The following VRK3 variants were observed in gnomAD, a reference collection of about 807,000 sequenced individuals.
The protein encoded by VRK3 is VRK serine/threonine kinase 3.
Under a neutral mutation model 60.4 loss-of-function variants are expected in VRK3, and 50 were observed. That is an observed-to-expected ratio of 0.83 (90% CI 0.66 to 1.05). The LOEUF is 1.05. Among genes scored for constraint, VRK3 ranks in the 50% least tolerant of loss-of-function variants. The pLI, the probability that VRK3 is intolerant of heterozygous loss-of-function variation, is 0.00. For synonymous variants in VRK3, 246 were observed against 227.8 expected, an observed-to-expected ratio of 1.08 and a Z score of -0.72; for missense variants, 549 against 585.3, an observed-to-expected ratio of 0.94 and a Z score of 0.64.
At chr19:50,003,658 C>T (rs530878903) in intron 5 of VRK3, among the ~76,000 whole-genome samples, 1 of 152,324 alleles carries the variant, frequency 6.6e-6, no homozygotes, top group African/African-American at 2.4e-5. Flanking sequence ...ATAACCATAA[C>T]GATTCAGCTT....
At chr19:50,009,173 GATC>G (rs1555851211) in intron 4 of VRK3, 60 bp downstream of exon 4, 3 of 1,556,912 alleles carry the variant, frequency 1.9e-6, no homozygotes, top group Non-Finnish European at 2.6e-6. Flanking sequence ...TTGTCCCAAA[GATC>G]ATCAGATGAC....
In VRK3 at chr19:50,009,241, G is replaced by T; in HGVS notation, c.284C>A (p.Ser95Tyr). The T allele has an allele frequency of 6.2e-7, 1 of 1,613,922 alleles. No individual in the cohort carries two copies. Among genetic ancestry groups the T allele is most frequent in the South Asian group, 1.1e-5 (1 of 91,052 alleles). Residue 95 changes from serine to tyrosine, a missense_variant, in exon 4 of 15, where the codon TCC becomes TAC. Transcript: ENST00000316763. ...AGATAGACCTTAACTCTTACCTTTG[G>T]ATCTCTCAGAGGAACTCAGAGTATC... ...SEDTLSSSER[S>Y]KGSGSRPPTP...
Position 50,007,811 on chromosome 19 carries a change from G to A in VRK3, c.305C>T (p.Pro102Leu). The part of the protein sequence containing the change: ...SERSKGSGSR[P>L]PTPKSSPQKT... ...CTGAGGGCTGCTTTTGGGGGTTGGG[G>A]GTCTGCTCCCGGAGCCTGCAGGAGG... is the stretch of plus-strand genomic sequence containing the variant. The change falls in exon 5 of 15, where the codon CCC (proline) becomes CTC (leucine). Residue 102 changes from proline to leucine, a missense_variant. By Grantham distance (98) the Pro-to-Leu change is moderately conservative. Transcript: ENST00000316763. 1 of 1,614,150 alleles carries A rather than the reference G, an allele frequency of 6.2e-7. No individual in the cohort carries two copies. Among genetic ancestry groups the A allele is most frequent in the Non-Finnish European group, 8.5e-7 (1 of 1,180,042 alleles).
chr19:50,004,952 T>C (rs1205835462), intron 5 of VRK3, among the ~76,000 whole-genome samples: 2 of 138,868 alleles, frequency 1.4e-5, no homozygotes, highest in Non-Finnish European at 2.9e-5. Flanking sequence ...TCCCTAGGTG[T>C]TAGCCACGGC....
intron 10 of VRK3, among the ~76,000 whole-genome samples, chr19:49,990,829 G>A (rs770715428): frequency 2.0e-5 from 3 of 151,834 alleles, no homozygotes; most frequent in Non-Finnish European, 2.9e-5. Flanking sequence ...GGGTCACGCA[G>A]GTTGGAGTGC....
At chr19:49,987,855 AC>A in intron 12 of VRK3, 1 of 152,484 alleles carries the variant, frequency 6.6e-6, no homozygotes, top group Middle Eastern at 3.4e-3. Context: ...GGCGCCCGCC[AC>A]CATGCCTGGC....
intron 2 of VRK3, among the ~76,000 whole-genome samples, chr19:50,016,886 G>A (rs2077087135): frequency 7.4e-6 from 1 of 135,690 alleles, no homozygotes; most frequent in Admixed American, 6.9e-5. Context: ...TATTTGTAAC[G>A]AGCATCTAAC....
chr19:50,007,541 T>C (rs2076916971), intron 5 of VRK3, 28 bp downstream of exon 5: 2 of 1,610,728 alleles, frequency 1.2e-6, no homozygotes, highest in Non-Finnish European at 8.5e-7. Flanking sequence ...GACGACCCAG[T>C]CCCTGGCCGC....
chr19:50,014,468 A>C (rs974365286), intron 3 of VRK3, among the ~76,000 whole-genome samples: 1 of 152,104 alleles, frequency 6.6e-6, no homozygotes, highest in Non-Finnish European at 1.5e-5. Context: ...CTGAGGCAGG[A>C]GAATTGCTTG....
At chr19:49,985,825 G>A (rs1245583681) in intron 12 of VRK3, among the ~76,000 whole-genome samples, 1 of 152,202 alleles carries the variant, frequency 6.6e-6, no homozygotes, top group Non-Finnish European at 1.5e-5. Flanking sequence ...CACCTCATAA[G>A]CCTCCTCCAC....
chr19:49,982,254 C>T, intron 12 of VRK3: 1 of 701,976 alleles, frequency 1.4e-6, no homozygotes, highest in Non-Finnish European at 2.6e-6. Flanking sequence ...CTGAACAAAG[C>T]TGATAAAACA....
rs901704267 is a variant in VRK3, at chr19:49,993,080, C to A, written c.871-128G>T. Reference sequence around the variant, plus strand: ...TCCGACACTGTGACTGGGGGTTAAACCTGACTAAATCCGGGGTAGCATGAG... The same window carrying A: ...TCCGACACTGTGACTGGGGGTTAAAACTGACTAAATCCGGGGTAGCATGAG... On this transcript the variant is annotated intron_variant, in intron 9 of 14. Transcript: ENST00000316763. 41 of 773,316 alleles carry A rather than the reference C, an allele frequency of 5.3e-5. No individual in the cohort carries two copies. The South Asian group carries it at 7.1e-4, about 13-fold the overall frequency. The allele number at this position is 773,316 out of a possible 1,614,324, so 47.9% of individuals were successfully genotyped here.
At chr19:49,982,284 C>T in intron 12 of VRK3, 1 of 697,420 alleles carries the variant, frequency 1.4e-6, no homozygotes, top group East Asian at 2.7e-5. Flanking sequence ...TTAACCATCT[C>T]AGGCTTTGGG....
At chr19:49,979,278 GA>G (rs772001102) in intron 13 of VRK3, 36 bp from the exon 14 acceptor site, 24 of 1,613,754 alleles carry the variant, frequency 1.5e-5, no homozygotes, top group Non-Finnish European at 2.0e-5. Flanking sequence ...GGGAGAGCCT[GA>G]GAGGCATCCC....
intron 9 of VRK3, among the ~76,000 whole-genome samples, chr19:49,993,205 T>C (rs1417417634): frequency 6.6e-6 from 1 of 152,200 alleles, no homozygotes; most frequent in African/African-American, 2.4e-5. Flanking sequence ...CCTGTATTTC[T>C]CTCTTAGCTG....
At chr19:49,978,984 G>A in intron 14 of VRK3, 99 bp downstream of exon 14, 1 of 1,309,580 alleles carries the variant, frequency 7.6e-7, no homozygotes, top group South Asian at 1.5e-5. Context: ...GCCCTGGTAT[G>A]AACGTGGAAC....
chr19:49,995,072 A>G (rs2076678191), intron 8 of VRK3, 119 bp downstream of exon 8: 1 of 1,296,152 alleles, frequency 7.7e-7, no homozygotes, highest in East Asian at 2.4e-5. Flanking sequence ...GGTCAAAACT[A>G]CGAGAAGGCA....
Position 49,992,348 on chromosome 19 carries a change from G to A in VRK3, c.963+512C>T, listed in dbSNP as rs2076626326. 3.3e-5 allele frequency among the ~76,000 whole-genome samples: 5 copies of A among 152,344 alleles called. No individual in the cohort carries two copies. In the South Asian group the frequency reaches 1.0e-3, roughly 32 times the overall value. On this transcript the variant is annotated intron_variant, in intron 10 of 14. Coordinates refer to ENST00000316763, the MANE Select transcript of VRK3 (RefSeq NM_016440.4). ...GAACCCAGGAGGTGGAGGTTGTGAT[G>A]AGCCGAGATCGTGCCATTGCACTCC...
chr19:50,018,587 G>A (rs2077113163), intron 2 of VRK3, among the ~76,000 whole-genome samples: 1 of 152,216 alleles, frequency 6.6e-6, no homozygotes, highest in Admixed American at 6.5e-5. Flanking sequence ...CATCTGGACT[G>A]CAAAGGCTGT....
Sources: allele counts gnomAD v4.1 joint callset (sites outside exome capture counted in the v4.1 genomes callset), GRCh38; gene constraint gnomAD v4.1.1; transcripts MANE v1.5; gene names NCBI Gene and HGNC (gene_info 2026-07-23, HGNC 2026-07-21).